P3H2: variants seen among roughly 807,000 people sequenced by gnomAD.
The protein encoded by P3H2 is leprecan-like 1.
Under a neutral mutation model 87.0 loss-of-function variants are expected in P3H2, and 80 were observed. The observed-to-expected ratio is 0.92, with a 90% CI of 0.77 to 1.11. The LOEUF is 1.11. P3H2 is among the 50% of genes least tolerant of loss of function. P3H2 has a pLI of 0.00. For missense variants in P3H2, 1,001 were observed against 923.9 expected (o/e 1.08, Z -1.08); for synonymous variants, 367 against 359.3 (o/e 1.02, Z -0.24).
intron 3 of P3H2, 52 bp downstream of exon 3, chr3:189,994,042 A>G: frequency 7.3e-7 from 1 of 1,365,010 alleles, no homozygotes; most frequent in East Asian, 2.3e-5. Context: ...ACAAATTGCA[A>G]GTAGTATTTT....
chr3:189,966,704 T>G lies in P3H2; in HGVS notation c.1894-2606A>C, dbSNP rs572101635. 3.3e-5 allele frequency among the ~76,000 whole-genome samples: 5 copies of G among 151,444 alleles called. No individual in the cohort carries two copies. The South Asian group carries it at 1.1e-3, about 33-fold the overall frequency. On this transcript the variant is annotated intron_variant, in intron 13 of 14. Transcript: ENST00000319332. ...TTTTCATGAAACAAATGGAACTCAT[T>G]AAATTTTATCTTCTTTGAACCTGCA...
At chr3:190,075,174 CT>C (rs1393266676) in intron 1 of P3H2, among the ~76,000 whole-genome samples, 1 of 152,172 alleles carries the variant, frequency 6.6e-6, no homozygotes, top group African/African-American at 2.4e-5. Flanking sequence ...AAACTAATAA[CT>C]GTCATGCAAA....
At position 190,092,137 on chromosome 3, in the gene P3H2, G is replaced by T. The variant is rs181544671; in HGVS notation, c.480+28115C>A. The stretch of plus-strand genomic sequence containing the variant: ...AGTCCCAGCTACTTGAGAGGCTGAG[G>T]TAGGAGAATGGCTTGATCCCAGGAG... On this transcript the variant is annotated intron_variant, in intron 1 of 14. Coordinates refer to ENST00000319332, the MANE Select transcript of P3H2 (RefSeq NM_018192.4). 2.0e-5 allele frequency among the ~76,000 whole-genome samples: 3 copies of T among 151,836 alleles called. No individual in the cohort carries two copies. The East Asian group carries it at 5.8e-4, about 29-fold the overall frequency.
Position 189,961,803 on chromosome 3 carries a change from G to A in P3H2, c.2034+2155C>T, listed in dbSNP as rs963950473. On this transcript the variant is annotated intron_variant, in intron 14 of 14. Transcript: ENST00000319332. The stretch of plus-strand genomic sequence containing the variant: ...CAGAGGAAGGGACGCTGGCGTTGAT[G>A]TTTCCTATTACAAAGGAGCAAAGAG... Among the ~76,000 whole-genome samples the A allele has an allele frequency of 5.3e-5, 8 of 152,316 alleles. No individual in the cohort carries two copies. The South Asian group carries it at 1.7e-3, about 32-fold the overall frequency.
chr3:189,997,897 T>C (rs970807323), intron 1 of P3H2, among the ~76,000 whole-genome samples: 1 of 152,218 alleles, frequency 6.6e-6, no homozygotes, highest in Non-Finnish European at 1.5e-5. Flanking sequence ...TTCAAAATTA[T>C]GTGTGGTTTG....
intron 1 of P3H2, among the ~76,000 whole-genome samples, chr3:190,018,200 C>T (rs1408278539): frequency 1.3e-5 from 2 of 152,150 alleles, no homozygotes; most frequent in Non-Finnish European, 2.9e-5. Flanking sequence ...TGTGGTCTAC[C>T]TTGATGAACT....
intron 1 of P3H2, among the ~76,000 whole-genome samples, chr3:190,049,956 C>T (rs1013501912): frequency 1.2e-4 from 19 of 152,188 alleles, no homozygotes; most frequent in African/African-American, 3.4e-4. Context: ...TATGCTGATG[C>T]ACATTGTAAA....
At chr3:190,101,962 A>T (rs757463114) in intron 1 of P3H2, among the ~76,000 whole-genome samples, 13 of 152,190 alleles carry the variant, frequency 8.5e-5, no homozygotes, top group Non-Finnish European at 1.8e-4. Context: ...GCCCTTAAGA[A>T]TTATGATAAA....
rs1444060847 is a variant in P3H2 at position 190,120,694 on chromosome 3, A to G, written c.38T>C (p.Leu13Pro). 6.6e-7 allele frequency: 1 copy of G among 1,520,864 alleles called. No homozygotes were observed. Among genetic ancestry groups the G allele is most frequent in the Admixed American group, 2.0e-5 (1 of 49,908 alleles). The allele number at this position is 1,520,864 out of a possible 1,614,324, so 94.2% of individuals were successfully genotyped here. The change falls in exon 1 of 15, where the codon CTG (leucine) becomes CCG (proline). Residue 13 changes from leucine (L) to proline (P), a missense_variant. By Grantham distance (98) the Leu-to-Pro change is moderately conservative (BLOSUM62 -3). Coordinates refer to ENST00000319332, the MANE Select transcript of P3H2 (RefSeq NM_018192.4). ...ERIWAPPLLL[L>P]LPLLLPPPLW... Reference sequence around the variant, plus strand: ...TGGCGGCGGCAGTAGCAGCGGCAGCAGCAGCAGCAGCGGCGGCGCCCAGAT... The same window carrying G: ...TGGCGGCGGCAGTAGCAGCGGCAGCGGCAGCAGCAGCGGCGGCGCCCAGAT...
chr3:189,995,437 G>C lies in P3H2; in HGVS notation c.486C>G (p.Asn162Lys). Residue 162 changes from asparagine to lysine, a missense_variant, in exon 2 of 15, where the codon AAC becomes AAG. By Grantham distance (94) the Asn-to-Lys change is moderately conservative. Coordinates refer to ENST00000319332, the MANE Select transcript of P3H2 (RefSeq NM_018192.4). Reference sequence around the variant, plus strand: ...CTGCTTCCACTGCTTTTTCGAGCTGGTTAAGCTAAAGAGAAAAAAAAATGA... The same window carrying C: ...CTGCTTCCACTGCTTTTTCGAGCTGCTTAAGCTAAAGAGAAAAAAAAATGA... ...NYLQRAYIKLNQLEKAVEAAH... is the reference protein window; with the variant it reads ...NYLQRAYIKLKQLEKAVEAAH... 6.2e-7 allele frequency: 1 copy of C among 1,613,130 alleles called. No individual in the cohort carries two copies.
At chr3:190,086,967 G>C (rs1208065189) in intron 1 of P3H2, among the ~76,000 whole-genome samples, 1 of 152,198 alleles carries the variant, frequency 6.6e-6, no homozygotes, top group South Asian at 2.1e-4. Flanking sequence ...GACTTGATCT[G>C]ATGTGGAGCA....
intron 3 of P3H2, among the ~76,000 whole-genome samples, chr3:189,992,490 T>C (rs1666432): frequency 0.77 from 116,917 of 152,204 alleles, 45,258 homozygotes; most frequent in East Asian, 0.94. Flanking sequence ...TGAAGTTGAA[T>C]GTTGCTTTTC....
intron 1 of P3H2, among the ~76,000 whole-genome samples, chr3:190,118,199 G>A (rs2108529173): frequency 6.6e-6 from 1 of 152,172 alleles, no homozygotes; most frequent in East Asian, 1.9e-4. Flanking sequence ...CCAGAACCAG[G>A]GAAACCCACA....
At chr3:190,011,927 A>G (rs73890160) in intron 1 of P3H2, among the ~76,000 whole-genome samples, 43,692 of 152,074 alleles carry the variant, frequency 0.29, 6,685 homozygotes, top group African/African-American at 0.38. Context: ...TGATATCCAC[A>G]TGGAGAAATG....
intron 1 of P3H2, among the ~76,000 whole-genome samples, chr3:190,108,451 A>G (rs958427715): frequency 6.6e-6 from 1 of 152,196 alleles, no homozygotes. Context: ...CAGATAGAAA[A>G]ACACTGATTT....
chr3:190,090,978 C>T (rs1689913092), intron 1 of P3H2, among the ~76,000 whole-genome samples: 1 of 152,158 alleles, frequency 6.6e-6, no homozygotes. Flanking sequence ...TTTATTCCGC[C>T]TGCCATCTCT....
At chr3:190,057,374 A>C (rs1203704461) in intron 1 of P3H2, among the ~76,000 whole-genome samples, 2 of 152,176 alleles carry the variant, frequency 1.3e-5, no homozygotes, top group African/African-American at 4.8e-5. Context: ...AGGAGTAAGA[A>C]CCATGGAAGG....
At chr3:190,084,949 A>G (rs1162005015) in intron 1 of P3H2, among the ~76,000 whole-genome samples, 1 of 143,580 alleles carries the variant, frequency 7.0e-6, no homozygotes, top group Non-Finnish European at 1.6e-5. Flanking sequence ...AGAGAAACAA[A>G]CAAAAAAAAA....
At chr3:189,999,625 G>A (rs990591506) in intron 1 of P3H2, among the ~76,000 whole-genome samples, 5 of 152,170 alleles carry the variant, frequency 3.3e-5, no homozygotes, top group Non-Finnish European at 7.4e-5. Context: ...ACAGTTAAAG[G>A]CTCCAAACTG....
Sources: allele counts gnomAD v4.1 joint callset (sites outside exome capture counted in the v4.1 genomes callset), GRCh38; gene constraint gnomAD v4.1.1; transcripts MANE v1.5; gene names NCBI Gene and HGNC (gene_info 2026-07-23, HGNC 2026-07-21).